Variants in CLDN10 observed in about 807,000 individuals in gnomAD.
CLDN10 encodes claudin-10.
In CLDN10, 15 loss-of-function variants were observed where a neutral mutation model predicts 22.9. That is an observed-to-expected ratio of 0.65 (90% CI 0.44 to 1.01). CLDN10 has a LOEUF of 1.01. Ranked by LOEUF, CLDN10 falls within the 50% of genes least tolerant of loss-of-function variation. CLDN10 has a pLI of 0.00. For synonymous variants in CLDN10, 114 were observed against 111.4 expected (o/e 1.02, Z -0.15); for missense variants, 247 against 287.8 (o/e 0.86, Z 1.03).
At chr13:95,488,226 G>A (rs1345710117) in intron 1 of CLDN10, among the ~76,000 whole-genome samples, 3 of 143,310 alleles carry the variant, frequency 2.1e-5, no homozygotes, top group Non-Finnish European at 1.5e-5. Context: ...CTGGGTGACA[G>A]AGTGAGACCC....
intron 1 of CLDN10, among the ~76,000 whole-genome samples, chr13:95,454,382 A>G (rs111687381): frequency 0.011 from 1,658 of 152,226 alleles, 35 homozygotes; most frequent in African/African-American, 0.037. Context: ...TGGAGGTTGC[A>G]GTGAGATTGC....
chr13:95,465,272 C>T (rs904047985), intron 1 of CLDN10, among the ~76,000 whole-genome samples: 1 of 152,132 alleles, frequency 6.6e-6, no homozygotes. Flanking sequence ...TCAATTATCT[C>T]CCACTGGGTC....
At chr13:95,503,239 G>A (rs1475279541) in intron 1 of CLDN10, among the ~76,000 whole-genome samples, 2 of 152,108 alleles carry the variant, frequency 1.3e-5, no homozygotes, top group African/African-American at 2.4e-5. Context: ...ATTAATAAAA[G>A]CCACAAGAGT....
chr13:95,494,883 T>C (rs973326286), intron 1 of CLDN10, among the ~76,000 whole-genome samples: 11 of 152,120 alleles, frequency 7.2e-5, no homozygotes, highest in Non-Finnish European at 1.2e-4. Flanking sequence ...TAATTTGTTA[T>C]CTTTCTGCCA....
chr13:95,468,433 T>C (rs2042599869), intron 1 of CLDN10, among the ~76,000 whole-genome samples: 1 of 152,034 alleles, frequency 6.6e-6, no homozygotes, highest in Admixed American at 6.6e-5. Flanking sequence ...GTATTTAGAG[T>C]GCATTAGGCC....
intron 1 of CLDN10, among the ~76,000 whole-genome samples, chr13:95,468,766 G>A (rs771897834): frequency 1.3e-5 from 2 of 151,982 alleles, no homozygotes; most frequent in Non-Finnish European, 2.9e-5. Context: ...GGGTGCTAAG[G>A]ACACACTTAG....
chr13:95,573,743 A>C, intron 3 of CLDN10, among the ~76,000 whole-genome samples: 1 of 143,796 alleles, frequency 7.0e-6, no homozygotes, highest in African/African-American at 2.6e-5. Context: ...GTGTGTGTGT[A>C]CCTCTAAGTT....
chr13:95,440,159 A>G (rs1030915023), intron 1 of CLDN10, among the ~76,000 whole-genome samples: 1 of 151,158 alleles, frequency 6.6e-6, no homozygotes, highest in Non-Finnish European at 1.5e-5. Context: ...TGATCCACCC[A>G]CCTCAGCTTC....
At chr13:95,563,132 C>CTCTCTCTCTCTCTCTG (rs1359208916) in intron 3 of CLDN10, among the ~76,000 whole-genome samples, 2 of 142,160 alleles carry the variant, frequency 1.4e-5, no homozygotes, top group African/African-American at 5.2e-5. Flanking sequence ...CTCTCTCTCT[C>CTCTCTCTCTCTCTCTG]TCTGTCTGTA....
chr13:95,488,240 C>G (rs1028523570), intron 1 of CLDN10, among the ~76,000 whole-genome samples: 5 of 136,290 alleles, frequency 3.7e-5, no homozygotes, highest in African/African-American at 1.4e-4. Flanking sequence ...GAGACCCCAT[C>G]TCAAAAAAAA....
upstream of CLDN10, among the ~76,000 whole-genome samples, chr13:95,551,209 T>G (rs923456003): frequency 1.3e-5 from 2 of 152,146 alleles, no homozygotes; most frequent in Non-Finnish European, 2.9e-5. Flanking sequence ...GAGCACAGAT[T>G]ACAACATTCG....
At chr13:95,571,388 A>G (rs1048367970) in intron 3 of CLDN10, among the ~76,000 whole-genome samples, 1 of 152,150 alleles carries the variant, frequency 6.6e-6, no homozygotes, top group Non-Finnish European at 1.5e-5. Flanking sequence ...ATAAGTAGAC[A>G]CTTATAACTT....
intron 3 of CLDN10, among the ~76,000 whole-genome samples, chr13:95,564,592 C>T (rs552912116): frequency 1.3e-5 from 2 of 152,320 alleles, no homozygotes; most frequent in East Asian, 3.9e-4. Flanking sequence ...GTTTTTCCTT[C>T]AGATTTGTAT....
intron 1 of CLDN10, among the ~76,000 whole-genome samples, chr13:95,453,351 C>T (rs1354145532): frequency 6.6e-6 from 1 of 152,178 alleles, no homozygotes; most frequent in African/African-American, 2.4e-5. Flanking sequence ...AACAACCTCA[C>T]CCACCAGTCT....
intron 1 of CLDN10, among the ~76,000 whole-genome samples, chr13:95,507,990 A>C (rs995386318): frequency 6.6e-6 from 1 of 152,116 alleles, no homozygotes; most frequent in Non-Finnish European, 1.5e-5. Flanking sequence ...AGGGAGGCTG[A>C]GGTGAAAGGA....
intron 1 of CLDN10, among the ~76,000 whole-genome samples, chr13:95,499,756 C>T (rs2042965776): frequency 6.6e-6 from 1 of 152,134 alleles, no homozygotes; most frequent in Non-Finnish European, 1.5e-5. Context: ...AACACTGACC[C>T]AGGCACTGAC....
At chr13:95,555,374 C>T (rs1214037272) in intron 1 of CLDN10, among the ~76,000 whole-genome samples, 9 of 152,188 alleles carry the variant, frequency 5.9e-5, no homozygotes, top group Admixed American at 5.9e-4. Context: ...TGGCATTTCC[C>T]TTATTGCCGT....
intron 1 of CLDN10, among the ~76,000 whole-genome samples, chr13:95,451,248 T>G (rs2042429203): frequency 6.6e-6 from 1 of 152,226 alleles, no homozygotes; most frequent in African/African-American, 2.4e-5. Flanking sequence ...AACTGGACTT[T>G]GAGATTAACT....
At chr13:95,518,226 C>T (rs889359899) in intron 1 of CLDN10, among the ~76,000 whole-genome samples, 1 of 152,190 alleles carries the variant, frequency 6.6e-6, no homozygotes, top group African/African-American at 2.4e-5. Flanking sequence ...ATAGTTAGCA[C>T]TCAGTGTTTA....
Sources: gnomAD v4.1 joint callset for allele counts (sites outside exome capture counted in the v4.1 genomes callset) on GRCh38, gnomAD v4.1.1 for gene constraint, MANE v1.5 for transcripts, NCBI Gene and HGNC (gene_info 2026-07-23, HGNC 2026-07-21) for gene names.